Variants in CLEC16A observed in about 807,000 individuals in gnomAD.
CLEC16A encodes the protein protein CLEC16A.
Under a neutral mutation model 109.5 loss-of-function variants are expected in CLEC16A, and 51 were observed. That is an observed-to-expected ratio of 0.47 (90% confidence interval 0.37 to 0.59). The LOEUF (loss-of-function observed/expected upper bound fraction) is 0.59. Ranked by LOEUF, CLEC16A falls within the 20% of genes least tolerant of loss-of-function variation. CLEC16A has a pLI of 0.00. For missense variants in CLEC16A, 1,339 were observed against 1,394.0 expected (o/e 0.96, Z 0.63); for synonymous variants, 673 against 564.2 (o/e 1.19, Z -2.73).
intron 1 of CLEC16A, among the ~76,000 whole-genome samples, chr16:10,950,970 G>A (rs1400491229): frequency 6.6e-6 from 1 of 152,228 alleles, no homozygotes; most frequent in Admixed American, 6.5e-5. Flanking sequence ...AGAAAATGCT[G>A]TCACTGAAAT....
intron 10 of CLEC16A, among the ~76,000 whole-genome samples, chr16:10,985,595 C>G (rs72770083): frequency 3.6e-3 from 545 of 151,866 alleles, no homozygotes; most frequent in Non-Finnish European, 6.4e-3. Context: ...GGATAGCTGC[C>G]GTGGCTTCAT....
At chr16:11,102,765 G>T (rs1262511233) in intron 19 of CLEC16A, among the ~76,000 whole-genome samples, 1 of 152,224 alleles carries the variant, frequency 6.6e-6, no homozygotes, top group Non-Finnish European at 1.5e-5. Context: ...GGTTCTTGCT[G>T]GGTGGAACTC....
In CLEC16A at chr16:11,006,258, C is replaced by T. The variant is rs185309203; in HGVS notation, c.1303+2953C>T. Among the ~76,000 whole-genome samples the T allele has an allele frequency of 1.2e-3, 181 of 152,244 alleles. 1 individual carries two copies. The highest frequency in any genetic ancestry group is 4.1e-3 in the African/African-American group (169 of 41,528). On this transcript the variant is annotated intron_variant, in intron 11 of 23. Transcript: ENST00000409790. ...ATATTCTGGACCGATTGGCCTGGCC[C>T]GCATGACAAATCTATGCTACAGTGG...
chr16:10,970,262 C>G (rs2042716534), intron 4 of CLEC16A, among the ~76,000 whole-genome samples: 1 of 152,188 alleles, frequency 6.6e-6, no homozygotes, highest in Non-Finnish European at 1.5e-5. Flanking sequence ...GCCAAAATGC[C>G]TGATGAGATC....
At position 10,954,346 on chromosome 16, in the gene CLEC16A, C is replaced by G. The variant is rs903790153; in HGVS notation, c.81-3436C>G. On this transcript the variant is annotated intron_variant, in intron 1 of 23. Transcript: ENST00000409790. This position sits in a 1 kb window ranked among gnomAD's most constrained non-coding sequence, Gnocchi z 4.2. ...GCAGAGAACCAGGCACGTGGGGGCT[C>G]CTAGAATCTTTTTTTCAGGACTTAC... 2.0e-5 allele frequency among the ~76,000 whole-genome samples: 3 copies of G among 152,150 alleles called. No homozygotes were observed. Among genetic ancestry groups the G allele is most frequent in the African/African-American group, 4.8e-5 (2 of 41,428 alleles).
chr16:11,109,849 A>T (rs1307178010), intron 19 of CLEC16A, among the ~76,000 whole-genome samples: 1 of 152,192 alleles, frequency 6.6e-6, no homozygotes, highest in African/African-American at 2.4e-5. Flanking sequence ...TGTTTACTGA[A>T]CTGCTAATTT....
intron 14 of CLEC16A, chr16:11,041,243 T>G (rs1207878771): frequency 6.6e-6 from 1 of 152,202 alleles, no homozygotes; most frequent in Non-Finnish European, 1.5e-5. Context: ...AGAGATTCCT[T>G]CAGGACCTAT....
At chr16:11,106,121 G>T (rs2051204516) in intron 19 of CLEC16A, among the ~76,000 whole-genome samples, 1 of 152,162 alleles carries the variant, frequency 6.6e-6, no homozygotes, top group African/African-American at 2.4e-5. Flanking sequence ...CAGTCACCTT[G>T]TGTCAAATCT....
At chr16:11,006,830 C>G (rs1397949319) in intron 11 of CLEC16A, among the ~76,000 whole-genome samples, 2 of 152,168 alleles carry the variant, frequency 1.3e-5, no homozygotes, top group Non-Finnish European at 2.9e-5. Context: ...CCACTCCCTT[C>G]CCCAGTCTAC....
chr16:11,130,241 T>C (rs1240646464), intron 22 of CLEC16A, among the ~76,000 whole-genome samples: 3 of 152,190 alleles, frequency 2.0e-5, no homozygotes, highest in Non-Finnish European at 2.9e-5. Flanking sequence ...GAGTGAAGAA[T>C]GAGCCTGCAT....
At chr16:11,033,943 G>A (rs2046884916) in intron 13 of CLEC16A, among the ~76,000 whole-genome samples, 1 of 152,166 alleles carries the variant, frequency 6.6e-6, no homozygotes, top group Non-Finnish European at 1.5e-5. Context: ...GAGGGATGGG[G>A]GTGAGTTTTA....
intron 22 of CLEC16A, among the ~76,000 whole-genome samples, chr16:11,131,600 A>G (rs1325993923): frequency 6.6e-6 from 1 of 152,206 alleles, no homozygotes; most frequent in East Asian, 1.9e-4. Flanking sequence ...TGGCCCTTGC[A>G]GATGAGGGCT....
At position 11,110,149 on chromosome 16, in the gene CLEC16A, G is replaced by A. The variant is rs201252257; in HGVS notation, c.2117-10466G>A. 2.0e-4 allele frequency among the ~76,000 whole-genome samples: 30 copies of A among 152,352 alleles called. No homozygotes were observed. The East Asian group carries it at 4.1e-3, about 21-fold the overall frequency. On this transcript the variant is annotated intron_variant, in intron 19 of 23. Coordinates refer to ENST00000409790, the MANE Select transcript of CLEC16A (RefSeq NM_015226.3). Reference sequence around the variant, plus strand: ...AGCTAAAAGAACAGTTGATTGAGCAGTCCCTGGCCTCCAAGTGGGAGCACC... The same window carrying A: ...AGCTAAAAGAACAGTTGATTGAGCAATCCCTGGCCTCCAAGTGGGAGCACC...
chr16:11,156,937 C>A (rs1392979545), intron 22 of CLEC16A: 1 of 293,876 alleles, frequency 3.4e-6, no homozygotes, highest in South Asian at 3.5e-5. Flanking sequence ...CCACCCACCC[C>A]CTGCCGGTAG....
intron 22 of CLEC16A, among the ~76,000 whole-genome samples, chr16:11,142,459 G>A (rs2053880531): frequency 6.6e-6 from 1 of 152,280 alleles, no homozygotes; most frequent in South Asian, 2.1e-4. Context: ...CATGAGCCGA[G>A]TGGCATTTGC....
At chr16:11,158,674 G>C (rs1567404823) in intron 22 of CLEC16A, among the ~76,000 whole-genome samples, 2 of 151,832 alleles carry the variant, frequency 1.3e-5, no homozygotes, top group East Asian at 3.9e-4. Context: ...TGTAATCCCA[G>C]GACTTTGGGA....
At chr16:11,086,127 C>T (rs373855385) in intron 19 of CLEC16A, among the ~76,000 whole-genome samples, 1 of 152,212 alleles carries the variant, frequency 6.6e-6, no homozygotes, top group East Asian at 1.9e-4. Flanking sequence ...GGTAGTTAGG[C>T]TTGTTTCCAG....
intron 11 of CLEC16A, among the ~76,000 whole-genome samples, chr16:11,012,547 A>G (rs183222256): frequency 3.4e-3 from 496 of 144,556 alleles, no homozygotes; most frequent in African/African-American, 0.012. Context: ...GTGAGCCGAG[A>G]TCACGCCACT....
chr16:11,105,682 C>G (rs919582031), intron 19 of CLEC16A, among the ~76,000 whole-genome samples: 2 of 152,210 alleles, frequency 1.3e-5, no homozygotes, highest in Admixed American at 6.5e-5. Context: ...CCTGTGGGTA[C>G]CTGAGATTGA....
Sources: allele counts gnomAD v4.1 joint callset (sites outside exome capture counted in the v4.1 genomes callset), GRCh38; gene constraint gnomAD v4.1.1; non-coding constraint Gnocchi (gnomAD v3.1); transcripts MANE v1.5; gene names NCBI Gene and HGNC (gene_info 2026-07-23, HGNC 2026-07-21).